The following SNURF variants were observed in gnomAD, a reference collection of about 807,000 sequenced individuals.
SNURF encodes the protein SNRPN upstream open reading frame, also known as SNURF protein.
SNURF carries 6 observed loss-of-function variants against 11.6 expected under a neutral mutation model. The observed-to-expected ratio is 0.52, with a 90% CI of 0.28 to 1.02. The LOEUF (loss-of-function observed/expected upper bound fraction) is 1.02. Ranked by LOEUF, SNURF falls within the 50% of genes least tolerant of loss-of-function variation. SNURF has a pLI of 0.09. For missense variants in SNURF, 84 were observed against 88.4 expected, an observed-to-expected ratio of 0.95 and a Z score of 0.20; for synonymous variants, 29 against 31.6, an observed-to-expected ratio of 0.92 and a Z score of 0.27.
chr15:24,977,205 A>G (rs1472881043), intron 6 of SNURF, among the ~76,000 whole-genome samples: 1 of 152,230 alleles, frequency 6.6e-6, no homozygotes, highest in African/African-American at 2.4e-5. Context: ...TAAAATGGTC[A>G]TTGGGTGATT....
intron 6 of SNURF, chr15:24,977,115 G>C: frequency 1.1e-5 from 12 of 1,048,194 alleles, no homozygotes; most frequent in South Asian, 1.8e-5. Context: ...AAGTGTATGT[G>C]TCATACAATG....
chr15:24,970,334 C>A (rs1384184028), downstream of SNURF, among the ~76,000 whole-genome samples: 2 of 152,140 alleles, frequency 1.3e-5, no homozygotes, highest in African/African-American at 4.8e-5. Flanking sequence ...CATCCTAGCA[C>A]TTGGGGAGGC....
exon 4 of SNURF, chr15:24,975,418 C>T (rs2153690780): frequency 6.2e-7 from 1 of 1,612,962 alleles, no homozygotes; most frequent in South Asian, 1.1e-5. Context: ...ATGTATCCTG[C>T]AAGATGGCCG....
intron 1 of SNURF, among the ~76,000 whole-genome samples, chr15:24,957,083 C>A (rs533510150): frequency 6.6e-6 from 1 of 152,094 alleles, no homozygotes; most frequent in Non-Finnish European, 1.5e-5. Flanking sequence ...ACTTGTTAAC[C>A]CCTTTTTTTT....
intron 1 of SNURF, among the ~76,000 whole-genome samples, chr15:24,955,545 G>A (rs1038399669): frequency 6.7e-6 from 1 of 150,366 alleles, no homozygotes; most frequent in Non-Finnish European, 1.5e-5. Context: ...GGGGTGTTGA[G>A]CGCAGGTAGG....
chr15:24,976,910 G>C, exon 6 of SNURF: 1 of 1,608,656 alleles, frequency 6.2e-7, no homozygotes, highest in Non-Finnish European at 8.5e-7. Flanking sequence ...TGCTGGAGCT[G>C]CTGGAGGCCC....
At chr15:24,976,206 G>A (rs1240867373) in intron 4 of SNURF, 3 of 891,726 alleles carry the variant, frequency 3.4e-6, no homozygotes, top group African/African-American at 3.3e-5. Context: ...TAAATGTTTA[G>A]CATCAGTTGT....
chr15:24,968,007 A>G lies in SNURF; in HGVS notation c.186A>G (p.Ala62=), dbSNP rs200974605. 1.9e-6 allele frequency: 3 copies of G among 1,613,994 alleles called. No individual in the cohort carries two copies. In the African/African-American group the frequency reaches 4.0e-5, roughly 22 times the overall value. The stretch of plus-strand genomic sequence containing the variant: ...ATTTCCAGGCTGAACTGAGGCAGGC[A>G]TTCTTAGCTGAGACACCAAGAGGTG... Residue 62 remains alanine, a synonymous_variant, in exon 3 of 3, where the codon GCA becomes GCG. Transcript: ENST00000577949.
intron 3 of SNURF, chr15:24,975,300 A>C: frequency 7.2e-7 from 1 of 1,397,970 alleles, no homozygotes; most frequent in Non-Finnish European, 1.0e-6. Context: ...AAACAGGAGA[A>C]GATTAGAAGA....
rs1244830595 is a variant in SNURF, at chr15:24,976,301, G to A, written c.*198-4G>A. 6 of 1,612,114 alleles carry A rather than the reference G, an allele frequency of 3.7e-6. No individual in the cohort carries two copies. The African/African-American group carries it at 4.0e-5, about 11-fold the overall frequency. On this transcript the variant is annotated splice_region_variant and splice_polypyrimidine_tract_variant and intron_variant and NMD_transcript_variant, in intron 4 of 6. Coordinates refer to the SNURF transcript ENST00000580062. Reference sequence around the variant, plus strand: ...TCTCACTAAAATTTAATTCTGATTTGTAGGCCAAAGAATGCGAAGCAACCA... The same window carrying A: ...TCTCACTAAAATTTAATTCTGATTTATAGGCCAAAGAATGCGAAGCAACCA...
chr15:24,957,322 T>G (rs1035989939), intron 1 of SNURF, among the ~76,000 whole-genome samples: 1 of 152,188 alleles, frequency 6.6e-6, no homozygotes, highest in African/African-American at 2.4e-5. Flanking sequence ...AGTTTTGTGC[T>G]CAAAGAGAAT....
At chr15:24,977,737 G>A in intron 6 of SNURF, 1 of 1,542,616 alleles carries the variant, frequency 6.5e-7, no homozygotes. Context: ...ATAATGTGAA[G>A]GTTTGCATCG....
downstream of SNURF, chr15:24,977,894 C>T (rs764108793): frequency 2.0e-5 from 32 of 1,578,188 alleles, no homozygotes; most frequent in Admixed American, 5.7e-5. Context: ...CCCCACCCGT[C>T]GGCAGAGCAA....
chr15:24,974,591 A>C, intron 3 of SNURF: 1 of 855,960 alleles, frequency 1.2e-6, no homozygotes, highest in Non-Finnish European at 2.0e-6. Context: ...TTCTCATTGC[A>C]TTGAGTATCA....
At chr15:24,967,806 T>C (rs1246486874) in intron 2 of SNURF, 126 bp from the exon 3 acceptor site, 2 of 700,582 alleles carry the variant, frequency 2.9e-6, no homozygotes, top group East Asian at 6.3e-5. Context: ...AGACCCTGTC[T>C]GGAAAAAAAA....
rs28728207 is a variant in SNURF at position 24,974,793 on chromosome 15, T to C, written c.*46-565T>C. On this transcript the variant is annotated intron_variant and NMD_transcript_variant, in intron 3 of 6. Transcript: ENST00000580062. ...AGGCTGGTCTCAGGCTCCTGACCTC[T>C]GGTGATCCACCCACCTCGGCCTCCC... 2.2e-3 allele frequency: 1,422 copies of C among 634,440 alleles called. 16 individuals are homozygous for C. The highest frequency in any genetic ancestry group is 0.022 in the African/African-American group (1,229 of 54,912). 39.3% of individuals were successfully genotyped at this position (634,440 alleles called of 1,614,324 possible). A position where few individuals can be genotyped will look rare whatever the true frequency, so the allele number is the denominator to read the frequency against.
intron 2 of SNURF, among the ~76,000 whole-genome samples, chr15:24,964,401 T>C (rs1274297178): frequency 1.3e-5 from 2 of 152,184 alleles, no homozygotes; most frequent in Non-Finnish European, 2.9e-5. Context: ...CAAGTGATTC[T>C]CCTGCCTCAG....
chr15:24,968,003 A>C (rs767497295), exon 3 of SNURF: 1 of 1,614,102 alleles, frequency 6.2e-7, no homozygotes, highest in Admixed American at 1.7e-5. Context: ...GAACTGAGGC[A>C]GGCATTCTTA....
chr15:24,955,313 T>C (rs1596143604), intron 1 of SNURF, among the ~76,000 whole-genome samples: 1 of 151,640 alleles, frequency 6.6e-6, no homozygotes. Flanking sequence ...TCGCGACAGG[T>C]CCTATTGCGG....
Sources: gnomAD v4.1 joint callset for allele counts (sites outside exome capture counted in the v4.1 genomes callset) on GRCh38, gnomAD v4.1.1 for gene constraint, MANE v1.5 for transcripts, NCBI Gene and HGNC (gene_info 2026-07-23, HGNC 2026-07-21) for gene names.